The following PTPRM variants were observed in gnomAD, a reference collection of about 807,000 sequenced individuals.
PTPRM encodes protein tyrosine phosphatase receptor type M, also known as receptor-type tyrosine-protein phosphatase mu.
Under a neutral mutation model 186.7 loss-of-function variants are expected in PTPRM, and 47 were observed. The observed-to-expected ratio is 0.25, with a 90% CI of 0.20 to 0.32. PTPRM has a LOEUF of 0.32. Among genes scored for constraint, PTPRM ranks in the 10% least tolerant of loss-of-function variants. The pLI is 1.00. For synonymous variants in PTPRM, 668 were observed against 674.9 expected (o/e 0.99, Z 0.16); for missense variants, 1,494 against 1,865.0 (o/e 0.80, Z 3.66).
chr18:8,095,388 G>C (rs60102079), intron 11 of PTPRM, among the ~76,000 whole-genome samples: 3,587 of 152,126 alleles, frequency 0.024, 136 homozygotes, highest in African/African-American at 0.083. Flanking sequence ...AGAGAGACAG[G>C]TTGGCTCCAT....
In PTPRM at chr18:7,963,086, A is replaced by G. The variant is rs568225178; in HGVS notation, c.1132+7672A>G. ...TGAATTTTCAATACATGAAGCCATT[A>G]AAAACCTTTTTAAATTATGAACATT... On this transcript the variant is annotated intron_variant, in intron 7 of 32. Coordinates refer to ENST00000580170, the MANE Select transcript of PTPRM (RefSeq NM_001105244.2). Among the ~76,000 whole-genome samples, 203 of 152,398 alleles carry G rather than the reference A, an allele frequency of 1.3e-3. No individual in the cohort carries two copies. The Middle Eastern group carries it at 0.017, about 13-fold the overall frequency.
intron 13 of PTPRM, among the ~76,000 whole-genome samples, chr18:8,125,730 CAG>C (rs2092317477): frequency 6.6e-6 from 1 of 151,786 alleles, no homozygotes; most frequent in Non-Finnish European, 1.5e-5. Context: ...AGAGTACACA[CAG>C]AGTAAGTTCT....
At chr18:7,972,316 T>C (rs1178584567) in intron 7 of PTPRM, among the ~76,000 whole-genome samples, 5 of 63,084 alleles carry the variant, frequency 7.9e-5, no homozygotes, top group Non-Finnish European at 1.3e-4. Context: ...TGTGGTGGGG[T>C]AGGGGGAGGG....
At chr18:7,580,053 A>G (rs1307142224) in intron 1 of PTPRM, among the ~76,000 whole-genome samples, 3 of 152,224 alleles carry the variant, frequency 2.0e-5, no homozygotes, top group African/African-American at 7.2e-5. Context: ...TATCTTAAAT[A>G]TGACATCTCT....
At chr18:8,256,356 T>C (rs556994959) in intron 19 of PTPRM, among the ~76,000 whole-genome samples, 3 of 152,228 alleles carry the variant, frequency 2.0e-5, no homozygotes, top group Non-Finnish European at 4.4e-5. Context: ...TGGGCCTCAG[T>C]TTCCAAATCT....
At chr18:7,799,602 T>C (rs1008769737) in intron 2 of PTPRM, among the ~76,000 whole-genome samples, 1 of 152,186 alleles carries the variant, frequency 6.6e-6, no homozygotes, top group African/African-American at 2.4e-5. Context: ...ATATATACCT[T>C]TTAAAGAATA....
At chr18:7,930,708 C>T (rs972279284) in intron 5 of PTPRM, among the ~76,000 whole-genome samples, 7 of 152,016 alleles carry the variant, frequency 4.6e-5, no homozygotes, top group African/African-American at 1.2e-4. Context: ...CCATCCTGAC[C>T]GTGGAAAATA....
At chr18:7,781,194 G>T (rs557400739) in intron 2 of PTPRM, among the ~76,000 whole-genome samples, 3 of 151,964 alleles carry the variant, frequency 2.0e-5, no homozygotes, top group Admixed American at 6.6e-5. Context: ...TCTGAATGAC[G>T]CCAGGTAAGA....
chr18:8,146,025 CT>C (rs33980345), intron 14 of PTPRM, among the ~76,000 whole-genome samples: 76,316 of 109,684 alleles, frequency 0.7, 25,317 homozygotes, highest in East Asian at 0.88. Flanking sequence ...TCTTTCTTTT[CT>C]TTTTTTTTTT....
chr18:8,177,782 G>A (rs1382956854), intron 14 of PTPRM, among the ~76,000 whole-genome samples: 1 of 152,176 alleles, frequency 6.6e-6, no homozygotes, highest in African/African-American at 2.4e-5. Flanking sequence ...CAACTTGAGA[G>A]GGTCAAGTGC....
chr18:7,897,480 A>G lies in PTPRM; in HGVS notation c.469-9025A>G, dbSNP rs74687869. On this transcript the variant is annotated intron_variant, in intron 3 of 32. Coordinates refer to ENST00000580170, the MANE Select transcript of PTPRM (RefSeq NM_001105244.2). The stretch of plus-strand genomic sequence containing the variant: ...AAGCTAGTCTAGTAGGTGCCGCAAT[A>G]CTCTGCATTTTGTGCTTAAAAAAGA... Among the ~76,000 whole-genome samples, 1,310 of 152,134 alleles carry G rather than the reference A, an allele frequency of 8.6e-3. 22 individuals carry two copies. Among genetic ancestry groups the G allele is most frequent in the African/African-American group, 0.03 (1,253 of 41,496 alleles).
intron 2 of PTPRM, among the ~76,000 whole-genome samples, chr18:7,887,122 G>A (rs755054453): frequency 1.1e-4 from 16 of 152,044 alleles, no homozygotes; most frequent in Non-Finnish European, 2.2e-4. Context: ...CCAAGTTCAG[G>A]TGTACTTGCT....
At chr18:7,981,267 A>AT (rs1249931937) in intron 7 of PTPRM, among the ~76,000 whole-genome samples, 1 of 151,796 alleles carries the variant, frequency 6.6e-6, no homozygotes, top group East Asian at 1.9e-4. Context: ...TTCCCTTATT[A>AT]TTTTTTAAAC....
At chr18:7,917,160 TA>T (rs1203682657) in intron 4 of PTPRM, among the ~76,000 whole-genome samples, 1 of 152,192 alleles carries the variant, frequency 6.6e-6, no homozygotes, top group Admixed American at 6.5e-5. Flanking sequence ...ACCCTGATGG[TA>T]AAAATGTGAA....
intron 31 of PTPRM, among the ~76,000 whole-genome samples, chr18:8,394,049 C>A (rs2095832971): frequency 6.6e-6 from 1 of 152,214 alleles, no homozygotes; most frequent in African/African-American, 2.4e-5. Context: ...ACCTTGGCCT[C>A]CCAAAGTGCT....
rs564257216 is a variant in PTPRM, at chr18:8,113,416, T to C, written c.1857-70T>C. ...TTATTTTGCGTGTCCTGTGGGTCCA[T>C]GCAGTTGAAGGCAGAGTGGATCAGT... On this transcript the variant is annotated intron_variant, in intron 11 of 32. Coordinates refer to ENST00000580170, the MANE Select transcript of PTPRM (RefSeq NM_001105244.2). 9.9e-6 allele frequency: 14 copies of C among 1,410,566 alleles called. No individual in the cohort carries two copies. In the Admixed American group the frequency reaches 1.6e-4, roughly 16 times the overall value. 87.4% of individuals were successfully genotyped at this position (1,410,566 alleles called of 1,614,324 possible).
intron 1 of PTPRM, among the ~76,000 whole-genome samples, chr18:7,700,247 ACT>A (rs1295226156): frequency 1.3e-5 from 2 of 152,240 alleles, no homozygotes; most frequent in South Asian, 2.1e-4. Context: ...AGAAGTTAAG[ACT>A]CTCAGTGCTG....
chr18:7,584,451 G>A (rs2036924274), intron 1 of PTPRM, among the ~76,000 whole-genome samples: 1 of 152,022 alleles, frequency 6.6e-6, no homozygotes, highest in African/African-American at 2.4e-5. Context: ...ATGTGATTTG[G>A]GTCAAATCTC....
intron 7 of PTPRM, among the ~76,000 whole-genome samples, chr18:8,032,883 T>C (rs1040096860): frequency 1.3e-5 from 2 of 152,094 alleles, no homozygotes; most frequent in African/African-American, 4.8e-5. Context: ...TAGGTTAAGG[T>C]TTAACCCCAT....
Sources: allele counts gnomAD v4.1 joint callset (sites outside exome capture counted in the v4.1 genomes callset), GRCh38; gene constraint gnomAD v4.1.1; transcripts MANE v1.5; gene names NCBI Gene and HGNC (gene_info 2026-07-23, HGNC 2026-07-21).